Variants in SORCS1 observed in about 807,000 individuals in gnomAD.
SORCS1 encodes the protein VPS10 domain-containing receptor SorCS1.
Under a neutral mutation model 146.1 loss-of-function variants are expected in SORCS1, and 60 were observed. The observed-to-expected ratio is 0.41, with a 90% confidence interval of 0.33 to 0.51. The LOEUF (loss-of-function observed/expected upper bound fraction) is 0.51, where lower values mean the gene tolerates loss of function less well. SORCS1 is among the 20% of genes least tolerant of loss of function. The pLI is 0.21. For synonymous variants in SORCS1, 637 were observed against 584.0 expected (o/e 1.09, Z -1.31); for missense variants, 1,352 against 1,487.6 (o/e 0.91, Z 1.50).
chr10:107,030,563 T>C (rs1483595747), intron 1 of SORCS1, among the ~76,000 whole-genome samples: 1 of 152,196 alleles, frequency 6.6e-6, no homozygotes, highest in African/African-American at 2.4e-5. Flanking sequence ...AAAGCTGAAT[T>C]TCACAGAAGT....
chr10:106,994,013 G>A (rs1445772885), intron 1 of SORCS1, among the ~76,000 whole-genome samples: 2 of 132,644 alleles, frequency 1.5e-5, no homozygotes, highest in African/African-American at 5.8e-5. Flanking sequence ...GTGAGCCAAG[G>A]TTGTGCCACT....
At chr10:107,158,077 C>T (rs1441020574) in intron 1 of SORCS1, among the ~76,000 whole-genome samples, 1 of 152,178 alleles carries the variant, frequency 6.6e-6, no homozygotes, top group East Asian at 1.9e-4. Flanking sequence ...TGATCTCTCT[C>T]ACCAATAACT....
At chr10:106,911,388 C>T (rs1952143971) in intron 2 of SORCS1, among the ~76,000 whole-genome samples, 2 of 152,190 alleles carry the variant, frequency 1.3e-5, no homozygotes. Flanking sequence ...ATAGCTAACA[C>T]CACCCTCGTG....
At chr10:106,844,728 C>G (rs1485735674) in intron 2 of SORCS1, among the ~76,000 whole-genome samples, 1 of 107,056 alleles carries the variant, frequency 9.3e-6, no homozygotes, top group Non-Finnish European at 1.8e-5. Flanking sequence ...CTATCCCTCC[C>G]CCCTCCCCCC....
intron 15 of SORCS1, 73 bp downstream of exon 15, chr10:106,672,795 T>A: frequency 7.8e-7 from 1 of 1,282,058 alleles, no homozygotes. Context: ...TTCCTATACC[T>A]TAGCAACTAG....
intron 3 of SORCS1, among the ~76,000 whole-genome samples, chr10:106,789,574 A>T (rs992851289): frequency 2.0e-5 from 3 of 152,212 alleles, no homozygotes; most frequent in African/African-American, 4.8e-5. Context: ...CTGGTTCCCA[A>T]CAAATTCCTC....
intron 1 of SORCS1, among the ~76,000 whole-genome samples, chr10:107,087,044 CA>C (rs1302086980): frequency 1.3e-5 from 2 of 152,112 alleles, no homozygotes; most frequent in Non-Finnish European, 2.9e-5. Flanking sequence ...AACAAACAAA[CA>C]AAAACAAAAT....
At chr10:106,983,987 A>T (rs138104310) in intron 1 of SORCS1, among the ~76,000 whole-genome samples, 38 of 152,342 alleles carry the variant, frequency 2.5e-4, no homozygotes, top group African/African-American at 8.9e-4. Context: ...AGCTGGTGAA[A>T]TATTTTAAAG....
At chr10:107,020,164 T>C (rs1390858762) in intron 1 of SORCS1, among the ~76,000 whole-genome samples, 3 of 152,182 alleles carry the variant, frequency 2.0e-5, no homozygotes, top group South Asian at 2.1e-4. Flanking sequence ...AAACAAGATA[T>C]GAATAGGACT....
intron 6 of SORCS1, among the ~76,000 whole-genome samples, chr10:106,710,040 T>C (rs1854857226): frequency 6.6e-6 from 1 of 152,196 alleles, no homozygotes; most frequent in South Asian, 2.1e-4. Context: ...ACTTTGATCT[T>C]TGACAAAGAG....
chr10:106,863,564 G>C (rs966088558), intron 2 of SORCS1, among the ~76,000 whole-genome samples: 3 of 149,206 alleles, frequency 2.0e-5, no homozygotes, highest in African/African-American at 7.4e-5. Flanking sequence ...ATGCATTCCA[G>C]CATCCCTCAT....
At chr10:106,985,539 CT>C (rs575357494) in intron 1 of SORCS1, among the ~76,000 whole-genome samples, 3,131 of 134,954 alleles carry the variant, frequency 0.023, 55 homozygotes, top group African/African-American at 0.06. Context: ...TTCACTTAAG[CT>C]TTTTTTTTTT....
intron 3 of SORCS1, among the ~76,000 whole-genome samples, chr10:106,800,783 TGCCTGCCG>T (rs1310098093): frequency 6.6e-6 from 1 of 152,076 alleles, no homozygotes; most frequent in African/African-American, 2.4e-5. Flanking sequence ...CCTTGTGATC[TGCCTGCCG>T]CAGTCTCCCA....
intron 13 of SORCS1, among the ~76,000 whole-genome samples, chr10:106,675,582 C>T (rs959386836): frequency 6.6e-6 from 1 of 152,160 alleles, no homozygotes; most frequent in Non-Finnish European, 1.5e-5. Context: ...TGACCAAGTC[C>T]TCAGTGTGTC....
intron 1 of SORCS1, among the ~76,000 whole-genome samples, chr10:107,071,500 C>T (rs980200935): frequency 5.9e-5 from 9 of 152,126 alleles, no homozygotes; most frequent in African/African-American, 2.2e-4. Flanking sequence ...GTCATTTCAC[C>T]CCTGGAGCCC....
At chr10:106,948,785 G>A (rs373198627) in intron 2 of SORCS1, among the ~76,000 whole-genome samples, 1 of 151,796 alleles carries the variant, frequency 6.6e-6, no homozygotes, top group South Asian at 2.1e-4. Context: ...TGGTGAAACC[G>A]CGTCTCTACT....
At chr10:106,661,670 T>C (rs1850739486) in intron 17 of SORCS1, among the ~76,000 whole-genome samples, 1 of 152,198 alleles carries the variant, frequency 6.6e-6, no homozygotes, top group Non-Finnish European at 1.5e-5. Context: ...TGAAGGCAAA[T>C]AGCAAAATGT....
rs367987734 is a variant in SORCS1 at position 106,951,513 on chromosome 10, GA to G, written c.626+4999del. ...GGTGACAGAGCAAGACTCCGTCTCT[GA>G]AAAAAAAAAAAAAAAACGGAACACC... On this transcript the variant is annotated intron_variant, in intron 2 of 25. Transcript: ENST00000263054. 8.1e-3 allele frequency among the ~76,000 whole-genome samples: 925 copies of G among 113,954 alleles called. 3 individuals carry two copies. The highest frequency in any genetic ancestry group is 0.024 in the African/African-American group (663 of 28,130). 74.8% of individuals were successfully genotyped at this position (113,954 alleles called of 152,430 possible).
At chr10:107,084,091 T>G (rs1249204127) in intron 1 of SORCS1, among the ~76,000 whole-genome samples, 1 of 112,744 alleles carries the variant, frequency 8.9e-6, no homozygotes. Context: ...TGTTGTTTTT[T>G]GTTTTTTTTT....
Sources: gnomAD v4.1 joint callset for allele counts (sites outside exome capture counted in the v4.1 genomes callset) on GRCh38, gnomAD v4.1.1 for gene constraint, MANE v1.5 for transcripts, NCBI Gene and HGNC (gene_info 2026-07-23, HGNC 2026-07-21) for gene names.